The following KCNK9 variants were observed in gnomAD, a reference collection of about 807,000 sequenced individuals.
The protein encoded by KCNK9 is potassium channel subfamily K member 9.
Under a neutral mutation model 10.8 loss-of-function variants are expected in KCNK9, and 1 was observed. The ratio of observed to expected loss-of-function variants is 0.09; its 90% confidence interval spans 0.03 to 0.44. KCNK9 has a LOEUF of 0.44. Among genes scored for constraint, KCNK9 ranks in the 20% least tolerant of loss-of-function variants. The pLI, the probability that KCNK9 is intolerant of heterozygous loss-of-function variation, is 0.97. For synonymous variants in KCNK9, 231 were observed against 222.7 expected (o/e 1.04, Z -0.33); for missense variants, 303 against 515.0 (o/e 0.59, Z 3.98).
At chr8:139,697,530 A>G (rs1279772308) in intron 1 of KCNK9, among the ~76,000 whole-genome samples, 1 of 151,956 alleles carries the variant, frequency 6.6e-6, no homozygotes, top group Non-Finnish European at 1.5e-5. Context: ...TGGAGGACTA[A>G]GTGAGTACAT....
intron 1 of KCNK9, among the ~76,000 whole-genome samples, chr8:139,646,247 A>G (rs1429844624): frequency 6.6e-6 from 1 of 152,208 alleles, no homozygotes; most frequent in African/African-American, 2.4e-5. Context: ...GAGCTCATGG[A>G]ACCACCTTCC....
intron 1 of KCNK9, among the ~76,000 whole-genome samples, chr8:139,678,243 G>A (rs1001372392): frequency 6.6e-6 from 1 of 152,220 alleles, no homozygotes; most frequent in Non-Finnish European, 1.5e-5. Context: ...TTCTCTCAGA[G>A]GTGAAGGGAT....
chr8:139,637,433 G>T lies in KCNK9; in HGVS notation c.284-18334C>A, dbSNP rs191222958. On this transcript the variant is annotated intron_variant, in intron 1 of 1. Coordinates refer to ENST00000520439, the MANE Select transcript of KCNK9 (RefSeq NM_001282534.2). The stretch of plus-strand genomic sequence containing the variant: ...GCTCACCAAAGAGTAAGTGTAAACA[G>T]ATAGAAATTTAAAAAATAAAAAGAG... Among the ~76,000 whole-genome samples, 4 of 152,308 alleles carry T rather than the reference G, an allele frequency of 2.6e-5. No individual in the cohort carries two copies. The East Asian group carries it at 7.7e-4, about 29-fold the overall frequency.
chr8:139,607,557 A>G (rs1168002628), intron 2 of KCNK9, among the ~76,000 whole-genome samples: 3 of 152,166 alleles, frequency 2.0e-5, no homozygotes, highest in African/African-American at 7.2e-5. Context: ...CTGTCCAGGC[A>G]TCTGGTTCAC....
rs1221128483 is a variant in KCNK9, at chr8:139,693,071, C to A, written c.283+9639G>T. Among the ~76,000 whole-genome samples, 2 of 152,164 alleles carry A rather than the reference C, an allele frequency of 1.3e-5. No homozygotes were observed. Among genetic ancestry groups the A allele is most frequent in the Non-Finnish European group, 2.9e-5 (2 of 68,038 alleles). On this transcript the variant is annotated intron_variant, in intron 1 of 1. Coordinates refer to ENST00000520439, the MANE Select transcript of KCNK9 (RefSeq NM_001282534.2). The surrounding 1 kb of genome is among the most constrained non-coding windows in gnomAD (Gnocchi z 4.1). Reference sequence around the variant, plus strand: ...CCAGCCCCACCTGACAAGCTCATCCCAGATGTATGCCCACCTTCCACACCT... The same window carrying A: ...CCAGCCCCACCTGACAAGCTCATCCAAGATGTATGCCCACCTTCCACACCT...
chr8:139,681,696 C>T lies in KCNK9; in HGVS notation c.283+21014G>A, dbSNP rs370572792. Among the ~76,000 whole-genome samples, 7 of 152,352 alleles carry T rather than the reference C, an allele frequency of 4.6e-5. No individual in the cohort carries two copies. In the East Asian group the frequency reaches 5.8e-4, roughly 13 times the overall value. On this transcript the variant is annotated intron_variant, in intron 1 of 1. Coordinates refer to ENST00000520439, the MANE Select transcript of KCNK9 (RefSeq NM_001282534.2). ...CCATAAGGAACAAGAGTCTCTGAGG[C>T]CTCTGGGGCCAGCTCCCTGGGGAGG...
chr8:139,692,267 G>C (rs974552264), intron 1 of KCNK9, among the ~76,000 whole-genome samples: 2 of 152,214 alleles, frequency 1.3e-5, no homozygotes, highest in Non-Finnish European at 2.9e-5. Context: ...TTTTCTGCTA[G>C]AGGCTCCTGA....
In KCNK9 at chr8:139,618,251, C is replaced by T. The variant is rs1814659737; in HGVS notation, c.*7G>A. 1 of 1,614,152 alleles carries T rather than the reference C, an allele frequency of 6.2e-7. No individual in the cohort carries two copies. The highest frequency in any genetic ancestry group is 1.1e-5 in the South Asian group (1 of 91,056). On this transcript the variant is annotated 3_prime_UTR_variant, in exon 2 of 2. Coordinates refer to ENST00000520439, the MANE Select transcript of KCNK9 (RefSeq NM_001282534.2). The surrounding 1 kb of genome is among the most constrained non-coding windows in gnomAD (Gnocchi z 7.9). ...ATGACTTTTCTGTCCCATTTCCCTC[C>T]CCACACCTAAACGGACTTCCGGCGT...
chr8:139,634,732 G>A (rs1395932724), intron 1 of KCNK9, among the ~76,000 whole-genome samples: 1 of 152,144 alleles, frequency 6.6e-6, no homozygotes, highest in East Asian at 1.9e-4. Context: ...GCTCGCACGG[G>A]TGCCTCCTCC....
At chr8:139,604,118 A>AT (rs1817433189) in intron 2 of KCNK9, among the ~76,000 whole-genome samples, 2 of 152,192 alleles carry the variant, frequency 1.3e-5, no homozygotes, top group African/African-American at 2.4e-5. Context: ...GAAGAGAAGG[A>AT]TGCAAGAGCC....
chr8:139,639,502 C>T (rs1815435424), intron 1 of KCNK9, among the ~76,000 whole-genome samples: 1 of 152,234 alleles, frequency 6.6e-6, no homozygotes, highest in African/African-American at 2.4e-5. Context: ...GGAGAAAGTC[C>T]CCTGAGCCAA....
intron 1 of KCNK9, among the ~76,000 whole-genome samples, chr8:139,657,742 G>T (rs753595601): frequency 1.2e-4 from 18 of 152,182 alleles, no homozygotes; most frequent in Non-Finnish European, 2.2e-4. Context: ...TACTAACAAG[G>T]CCCCATTTTA....
chr8:139,624,405 G>A (rs1814898762), intron 1 of KCNK9, among the ~76,000 whole-genome samples: 1 of 152,168 alleles, frequency 6.6e-6, no homozygotes, highest in Non-Finnish European at 1.5e-5. Context: ...GGCATGTTCA[G>A]GGACCCTGGA....
At chr8:139,692,376 T>C (rs1487651889) in intron 1 of KCNK9, among the ~76,000 whole-genome samples, 1 of 152,252 alleles carries the variant, frequency 6.6e-6, no homozygotes, top group African/African-American at 2.4e-5. Context: ...AAGCCATTCT[T>C]GGATGTGATC....
At chr8:139,665,256 C>T (rs1816269777) in intron 1 of KCNK9, among the ~76,000 whole-genome samples, 1 of 152,186 alleles carries the variant, frequency 6.6e-6, no homozygotes, top group Admixed American at 6.5e-5. Flanking sequence ...GTTTTAGATG[C>T]TTCTGCACTG....
At chr8:139,631,713 G>A (rs1815179504) in intron 1 of KCNK9, among the ~76,000 whole-genome samples, 1 of 151,802 alleles carries the variant, frequency 6.6e-6, no homozygotes, top group Non-Finnish European at 1.5e-5. Context: ...AAAAAACAAA[G>A]TACAGAGGGA....
intron 1 of KCNK9, among the ~76,000 whole-genome samples, chr8:139,663,617 T>A (rs548715514): frequency 6.7e-6 from 1 of 148,194 alleles, no homozygotes; most frequent in Non-Finnish European, 1.5e-5. Flanking sequence ...GGCATTCACG[T>A]TTTCCCCCCA....
chr8:139,615,413 AC>A (rs1181836474), downstream of KCNK9, among the ~76,000 whole-genome samples: 1 of 151,950 alleles, frequency 6.6e-6, no homozygotes, highest in African/African-American at 2.4e-5. Flanking sequence ...AGAAGAAAGA[AC>A]CCTGAACCCT....
At chr8:139,600,879 C>T (rs1465439139), downstream of KCNK9, 2 of 152,256 alleles carry the variant, frequency 1.3e-5, no homozygotes, top group Non-Finnish European at 2.9e-5. Context: ...ACAAGCATCA[C>T]ATACATTATC....
Sources: gnomAD v4.1 joint callset for allele counts (sites outside exome capture counted in the v4.1 genomes callset) on GRCh38, gnomAD v4.1.1 for gene constraint, Gnocchi (gnomAD v3.1) non-coding constraint, MANE v1.5 for transcripts, NCBI Gene and HGNC (gene_info 2026-07-23, HGNC 2026-07-21) for gene names.